Variants in COL21A1 observed in about 807,000 individuals in gnomAD.
COL21A1 encodes collagen type XXI alpha 1 chain, also known as collagen alpha-1(XXI) chain.
A neutral mutation model predicts 137.9 loss-of-function variants in COL21A1; 149 were observed. The ratio of observed to expected loss-of-function variants is 1.08; its 90% confidence interval spans 0.95 to 1.24. COL21A1 has a LOEUF of 1.24. Among genes scored for constraint, COL21A1 ranks in the 50% most tolerant of loss-of-function variants. The probability of loss-of-function intolerance (pLI) is 0.00; values close to 1 mark genes in which losing one functional copy is unlikely to be tolerated. For synonymous variants in COL21A1, 456 were observed against 391.5 expected (o/e 1.16, Z -1.95); for missense variants, 1,167 against 1,158.4 (o/e 1.01, Z -0.11).
At chr6:56,174,179 T>C (rs188476889) in intron 3 of COL21A1, among the ~76,000 whole-genome samples, 22 of 151,782 alleles carry the variant, frequency 1.4e-4, no homozygotes, top group Non-Finnish European at 2.5e-4. Context: ...AGGAAAACAG[T>C]ACTAAGAGAG....
Position 56,224,052 on chromosome 6 carries a change from T to C in COL21A1, c.-39+23335A>G, listed in dbSNP as rs533150760. On this transcript the variant is annotated intron_variant, in intron 1 of 29. Transcript: ENST00000244728. ...AAGGTAATTTTTTCCAGTATAAACA[T>C]TGGAGAGATTTACTAGTACCCTTTT... 5.9e-5 allele frequency among the ~76,000 whole-genome samples: 9 copies of C among 152,198 alleles called. 1 individual carries two copies. In the South Asian group the frequency reaches 6.2e-4, roughly 11 times the overall value.
At chr6:56,080,165 G>C (rs967872053) in intron 17 of COL21A1, among the ~76,000 whole-genome samples, 1 of 151,768 alleles carries the variant, frequency 6.6e-6, no homozygotes. Flanking sequence ...AGTATTTAGT[G>C]ACAATTATTT....
At chr6:56,121,987 A>G (rs928717613) in intron 16 of COL21A1, among the ~76,000 whole-genome samples, 1 of 152,140 alleles carries the variant, frequency 6.6e-6, no homozygotes, top group Admixed American at 6.5e-5. Context: ...GTATGAACCT[A>G]TAAGGAAGGC....
intron 1 of COL21A1, among the ~76,000 whole-genome samples, chr6:56,337,957 TTTTC>T (rs201588723): frequency 0.22 from 24,132 of 111,302 alleles, 2,554 homozygotes; most frequent in South Asian, 0.3. Flanking sequence ...TTTTCTTTTC[TTTTC>T]TTTTTTTTTT....
At chr6:56,302,166 G>A (rs1764313525) in intron 1 of COL21A1, among the ~76,000 whole-genome samples, 1 of 151,636 alleles carries the variant, frequency 6.6e-6, no homozygotes. Context: ...CTTTGCTATT[G>A]TGAATAGTGC....
chr6:56,220,064 T>C (rs1449577797), intron 1 of COL21A1, among the ~76,000 whole-genome samples: 1 of 152,178 alleles, frequency 6.6e-6, no homozygotes, highest in Non-Finnish European at 1.5e-5. Context: ...TGGTATATAA[T>C]GCATTGAAGC....
chr6:56,105,182 C>T (rs1582367949), intron 16 of COL21A1, among the ~76,000 whole-genome samples: 1 of 152,270 alleles, frequency 6.6e-6, no homozygotes, highest in East Asian at 1.9e-4. Flanking sequence ...CTCACTCTGC[C>T]ATGGAACTAG....
intron 1 of COL21A1, among the ~76,000 whole-genome samples, chr6:56,243,641 A>G (rs1782478103): frequency 6.6e-6 from 1 of 152,192 alleles, no homozygotes; most frequent in South Asian, 2.1e-4. Flanking sequence ...AACTTCACAT[A>G]TGTTAACTCA....
intron 20 of COL21A1, among the ~76,000 whole-genome samples, chr6:56,073,169 T>C (rs1250609781): frequency 6.6e-6 from 1 of 151,406 alleles, no homozygotes; most frequent in East Asian, 1.9e-4. Flanking sequence ...CCAAAAGACA[T>C]TGAGAGAGCC....
intron 1 of COL21A1, among the ~76,000 whole-genome samples, chr6:56,387,310 T>C (rs776894743): frequency 1.3e-5 from 2 of 152,202 alleles, no homozygotes; most frequent in South Asian, 2.1e-4. Flanking sequence ...TTTGGGAATA[T>C]GGATTCCAAT....
intron 1 of COL21A1, among the ~76,000 whole-genome samples, chr6:56,235,633 C>T (rs1320996): frequency 0.57 from 85,718 of 151,566 alleles, 24,505 homozygotes; most frequent in East Asian, 0.77. Context: ...ATTTAAATGG[C>T]CCCCTAATGA....
intron 10 of COL21A1, among the ~76,000 whole-genome samples, chr6:56,142,808 A>G (rs1561911665): frequency 6.6e-6 from 1 of 152,002 alleles, no homozygotes; most frequent in South Asian, 2.1e-4. Context: ...TTCAGACTCC[A>G]TTTTTCTTAG....
intron 2 of COL21A1, among the ~76,000 whole-genome samples, chr6:56,181,818 T>C (rs914812394): frequency 1.3e-5 from 2 of 151,974 alleles, no homozygotes; most frequent in Non-Finnish European, 2.9e-5. Context: ...CTTATTAAAA[T>C]CCCGTTTTCC....
intron 9 of COL21A1, among the ~76,000 whole-genome samples, chr6:56,158,320 T>C (rs1775944845): frequency 7.7e-6 from 1 of 130,084 alleles, no homozygotes; most frequent in African/African-American, 2.9e-5. Flanking sequence ...TCACCCAGAC[T>C]GGAGTGCAGT....
chr6:56,295,382 G>T (rs1489424632), intron 1 of COL21A1, among the ~76,000 whole-genome samples: 1 of 151,832 alleles, frequency 6.6e-6, no homozygotes, highest in African/African-American at 2.4e-5. Context: ...CAGCTATGTC[G>T]ACCTGCTGAC....
At chr6:56,172,543 A>T (rs1341344627) in intron 3 of COL21A1, among the ~76,000 whole-genome samples, 1 of 152,202 alleles carries the variant, frequency 6.6e-6, no homozygotes, top group Admixed American at 6.5e-5. Flanking sequence ...GTCCTTCAAG[A>T]TCAAACAGAA....
chr6:56,231,344 T>A (rs1781542247), intron 1 of COL21A1, among the ~76,000 whole-genome samples: 1 of 151,892 alleles, frequency 6.6e-6, no homozygotes, highest in Non-Finnish European at 1.5e-5. Context: ...TATATTCAGT[T>A]CGGTAACAGC....
chr6:56,299,430 A>C (rs72866993), intron 1 of COL21A1, among the ~76,000 whole-genome samples: 2,054 of 152,274 alleles, frequency 0.013, 22 homozygotes, highest in Non-Finnish European at 0.021. Flanking sequence ...GGTTCTTGGT[A>C]GTTAAAAGTG....
rs999570595 is a variant in COL21A1 at position 56,302,602 on chromosome 6, A to G, written c.-39+91369T>C. 7.6e-3 allele frequency among the ~76,000 whole-genome samples: 1,158 copies of G among 151,978 alleles called. 17 individuals are homozygous for G. The highest frequency in any genetic ancestry group is 0.025 in the African/African-American group (1,047 of 41,456). ...TTTGTTTTTTTCTTGTAAATTTGTT[A>G]GAGTTCATTGTAGATTCTGGATATT... On this transcript the variant is annotated intron_variant, in intron 1 of 28. Coordinates refer to the COL21A1 transcript ENST00000370819.
Sources: allele counts gnomAD v4.1 joint callset (sites outside exome capture counted in the v4.1 genomes callset), GRCh38; gene constraint gnomAD v4.1.1; transcripts MANE v1.5; gene names NCBI Gene and HGNC (gene_info 2026-07-23, HGNC 2026-07-21).